PANX1: variants seen among roughly 807,000 people sequenced by gnomAD.
The protein encoded by PANX1 is pannexin-1.
PANX1 carries 30 observed loss-of-function variants against 38.7 expected under a neutral mutation model. That is an observed-to-expected ratio of 0.78 (90% CI 0.58 to 1.05). PANX1 has a LOEUF of 1.05. PANX1 is among the 50% of genes least tolerant of loss of function. The pLI, the probability that PANX1 is intolerant of heterozygous loss-of-function variation, is 0.00. For missense variants in PANX1, 551 were observed against 517.2 expected, an observed-to-expected ratio of 1.07 and a Z score of -0.63; for synonymous variants, 230 against 212.2, an observed-to-expected ratio of 1.08 and a Z score of -0.73.
intron 2 of PANX1, among the ~76,000 whole-genome samples, chr11:94,167,305 A>T (rs1326905139): frequency 2.6e-5 from 4 of 152,140 alleles, no homozygotes; most frequent in African/African-American, 9.7e-5. Flanking sequence ...TGTTATGTTA[A>T]AACCAGGTAC....
At chr11:94,153,955 CTGAA>C (rs2134494862) in intron 2 of PANX1, among the ~76,000 whole-genome samples, 1 of 152,300 alleles carries the variant, frequency 6.6e-6, no homozygotes, top group East Asian at 1.9e-4. Context: ...TTTTGAGTGT[CTGAA>C]TGAGCATAGC....
chr11:94,157,159 G>A lies in PANX1; in HGVS notation c.321+3529G>A, dbSNP rs1341998742. ...ACATTTGGGTTGGTTCCAAGTCTTT[G>A]CTATTGTGAATAGTGCCACAATAAA... On this transcript the variant is annotated intron_variant, in intron 2 of 4. Transcript: ENST00000227638. 6.6e-5 allele frequency among the ~76,000 whole-genome samples: 10 copies of A among 151,980 alleles called. No individual in the cohort carries two copies. The South Asian group carries it at 2.1e-3, about 31-fold the overall frequency.
At position 94,181,028 on chromosome 11, in the gene PANX1, CA is replaced by C. The variant is rs752910592; in HGVS notation, c.*163del. The stretch of plus-strand genomic sequence containing the variant: ...AGTCCCTAATGGAAATGGTGATCAA[CA>C]AAAGGTTATGGAAGAATGGTTTATG... On this transcript the variant is annotated 3_prime_UTR_variant, in exon 5 of 5. Coordinates refer to ENST00000227638, the MANE Select transcript of PANX1 (RefSeq NM_015368.4). 35 of 604,544 alleles carry C rather than the reference CA, an allele frequency of 5.8e-5. 1 individual carries two copies. The highest frequency in any genetic ancestry group is 9.5e-5 in the Non-Finnish European group (32 of 336,838). 37.4% of individuals were successfully genotyped at this position (604,544 alleles called of 1,614,324 possible).
chr11:94,179,896 C>A lies in PANX1; in HGVS notation c.840C>A (p.Asn280Lys). The part of the protein sequence containing the change: ...VGIFQLLSVI[N>K]LVVYVLLAPV... Reference sequence around the variant, plus strand: ...TCTTCCAGTTGCTCAGTGTCATTAACCTTGTGGTTTATGTCCTGCTGGCTC... The same window carrying A: ...TCTTCCAGTTGCTCAGTGTCATTAAACTTGTGGTTTATGTCCTGCTGGCTC... The change falls in exon 4 of 5, where the codon AAC (asparagine) becomes AAA (lysine). Residue 280 changes from asparagine (N) to lysine (K), a missense_variant. Asn to Lys is a moderately conservative substitution (Grantham distance 94). Transcript: ENST00000227638. 1 of 1,613,862 alleles carries A rather than the reference C, an allele frequency of 6.2e-7. No homozygotes were observed. The highest frequency in any genetic ancestry group is 1.1e-5 in the South Asian group (1 of 91,028).
At chr11:94,137,149 C>CA in intron 1 of PANX1, among the ~76,000 whole-genome samples, 1 of 151,874 alleles carries the variant, frequency 6.6e-6, no homozygotes, top group Non-Finnish European at 1.5e-5. Flanking sequence ...ACTTAAAATA[C>CA]AAAAATTAGC....
intron 3 of PANX1, among the ~76,000 whole-genome samples, 153 bp downstream of exon 3, chr11:94,178,745 C>G (rs1947266613): frequency 6.6e-6 from 1 of 152,078 alleles, no homozygotes; most frequent in African/African-American, 2.4e-5. Context: ...CCTGTAGTAT[C>G]CCGGGATGTC....
chr11:94,132,116 A>T (rs4073615), intron 1 of PANX1, among the ~76,000 whole-genome samples: 6 of 151,986 alleles, frequency 3.9e-5, no homozygotes, highest in African/African-American at 7.3e-5. Flanking sequence ...AAACTACTCT[A>T]TAAACATTTG....
chr11:94,131,039 C>T (rs1336034207), intron 1 of PANX1, among the ~76,000 whole-genome samples: 1 of 152,296 alleles, frequency 6.6e-6, no homozygotes, highest in East Asian at 1.9e-4. Context: ...GCAAAACCAC[C>T]AAGTAGCATG....
At position 94,181,955 on chromosome 11, in the gene PANX1, A is replaced by G. The variant is rs910180007; in HGVS notation, c.*1086A>G. On this transcript the variant is annotated 3_prime_UTR_variant, in exon 5 of 5. Coordinates refer to ENST00000227638, the MANE Select transcript of PANX1 (RefSeq NM_015368.4). ...GAGAATTATAGAATAAAGATTATAA[A>G]TGGTTGGATAAGACAAATGTAAGCT... 4 of 152,252 alleles carry G rather than the reference A, an allele frequency of 2.6e-5. No homozygotes were observed. The highest frequency in any genetic ancestry group is 9.6e-5 in the African/African-American group (4 of 41,478). 9.4% of individuals were successfully genotyped at this position (152,252 alleles called of 1,614,324 possible). A position where few individuals can be genotyped will look rare whatever the true frequency, so the allele number is the denominator to read the frequency against.
intron 2 of PANX1, among the ~76,000 whole-genome samples, chr11:94,176,404 C>T (rs1022423683): frequency 6.6e-6 from 1 of 151,620 alleles, no homozygotes. Context: ...TGGATTGGAT[C>T]TTGGAACAGG....
chr11:94,148,844 C>A (rs1012275207), intron 1 of PANX1, among the ~76,000 whole-genome samples: 11 of 152,126 alleles, frequency 7.2e-5, no homozygotes, highest in African/African-American at 2.7e-4. Flanking sequence ...AGAACAACCC[C>A]AGGATTTTCT....
At position 94,129,168 on chromosome 11, in the gene PANX1, A is replaced by G; in HGVS notation, c.-145A>G. The G allele has an allele frequency of 1.7e-6, 1 of 597,886 alleles. No individual in the cohort carries two copies. The highest frequency in any genetic ancestry group is 3.2e-5 in the East Asian group (1 of 31,040). 37.0% of individuals were successfully genotyped at this position (597,886 alleles called of 1,614,324 possible). On this transcript the variant is annotated 5_prime_UTR_variant, in exon 1 of 5. Coordinates refer to ENST00000227638, the MANE Select transcript of PANX1 (RefSeq NM_015368.4). ...GAGTCGCTGGGAGCCTGAGGCACCG[A>G]GACACAAAGGCAGGCGGGATGCGGG...
chr11:94,180,280 G>T (rs370235575), intron 4 of PANX1, 23 bp downstream of exon 4: 133 of 1,541,874 alleles, frequency 8.6e-5, no homozygotes, highest in Non-Finnish European at 1.0e-4. Flanking sequence ...TTTGGCAGAG[G>T]CTACGGGAGT....
At chr11:94,153,393 G>T in intron 1 of PANX1, 98 bp from the exon 2 acceptor site, 1 of 1,225,574 alleles carries the variant, frequency 8.2e-7, no homozygotes, top group East Asian at 2.3e-5. Flanking sequence ...TCCTGTCCTG[G>T]TGCTCCCTAA....
intron 1 of PANX1, among the ~76,000 whole-genome samples, chr11:94,148,006 A>G (rs1052097962): frequency 2.0e-5 from 3 of 152,192 alleles, no homozygotes; most frequent in Admixed American, 1.3e-4. Flanking sequence ...TTCTCTTTAA[A>G]AGCCAGGCTT....
At chr11:94,159,254 A>G (rs1946991361) in intron 2 of PANX1, among the ~76,000 whole-genome samples, 1 of 152,122 alleles carries the variant, frequency 6.6e-6, no homozygotes, top group African/African-American at 2.4e-5. Flanking sequence ...TATCAGGATG[A>G]TGCTGGCCTC....
Position 94,176,873 on chromosome 11 carries a change from G to A in PANX1, c.322-1496G>A, listed in dbSNP as rs16919980. Among the ~76,000 whole-genome samples the A allele has an allele frequency of 9.6e-3, 1,452 of 151,720 alleles. 73 individuals are homozygous for A. The highest frequency in any genetic ancestry group is 0.034 in the African/African-American group (1,388 of 41,026). ...GATCTGGGGCCAGAAACTGCTCCCG[G>A]CTTTCTCTTCCCATTTGCAGAATGG... On this transcript the variant is annotated intron_variant, in intron 2 of 4. Transcript: ENST00000227638.
chr11:94,162,383 G>A (rs1947052577), intron 2 of PANX1, among the ~76,000 whole-genome samples: 1 of 152,154 alleles, frequency 6.6e-6, no homozygotes, highest in Non-Finnish European at 1.5e-5. Flanking sequence ...CGAGTTTCCT[G>A]GCCACTTTGT....
chr11:94,147,161 T>C (rs950194122), intron 1 of PANX1, among the ~76,000 whole-genome samples: 1 of 152,212 alleles, frequency 6.6e-6, no homozygotes, highest in South Asian at 2.1e-4. Context: ...AAATAAAATA[T>C]TTAATTTTAA....
Sources: allele counts gnomAD v4.1 joint callset (sites outside exome capture counted in the v4.1 genomes callset), GRCh38; gene constraint gnomAD v4.1.1; transcripts MANE v1.5; gene names NCBI Gene and HGNC (gene_info 2026-07-23, HGNC 2026-07-21).